CHODL: variants seen among roughly 807,000 people sequenced by gnomAD.
CHODL encodes the protein chondrolectin.
Under a neutral mutation model 34.5 loss-of-function variants are expected in CHODL, and 29 were observed. The ratio of observed to expected loss-of-function variants is 0.84; its 90% CI spans 0.63 to 1.15. The LOEUF (loss-of-function observed/expected upper bound fraction) is 1.15. Ranked by LOEUF, CHODL falls within the 50% of genes most tolerant of loss-of-function variation. The pLI is 0.00. For missense variants in CHODL, 332 were observed against 332.5 expected, an observed-to-expected ratio of 1.00 and a Z score of 0.01; for synonymous variants, 125 against 116.1, an observed-to-expected ratio of 1.08 and a Z score of -0.49.
intron 2 of CHODL, among the ~76,000 whole-genome samples, chr21:18,107,293 A>T (rs1023417029): frequency 2.0e-5 from 3 of 152,210 alleles, no homozygotes; most frequent in African/African-American, 7.2e-5. Context: ...AAATAAACAG[A>T]GCACCTAGTT....
At chr21:18,251,929 TTAAAA>T (rs1169647394) in intron 1 of CHODL, among the ~76,000 whole-genome samples, 2 of 151,580 alleles carry the variant, frequency 1.3e-5, no homozygotes, top group East Asian at 3.9e-4. Context: ...ACCCATGAAC[TTAAAA>T]TAAATGCTTA....
chr21:18,106,679 T>A (rs1235881146), intron 2 of CHODL, among the ~76,000 whole-genome samples: 2 of 151,958 alleles, frequency 1.3e-5, no homozygotes, highest in Non-Finnish European at 2.9e-5. Context: ...TATTTTTATG[T>A]AGAGACGCGG....
chr21:18,199,112 A>G (rs956855447), intron 2 of CHODL, among the ~76,000 whole-genome samples: 47 of 152,140 alleles, frequency 3.1e-4, no homozygotes, highest in African/African-American at 1.0e-3. Flanking sequence ...TAGTTCTCAA[A>G]TAACAGATTT....
intron 1 of CHODL, among the ~76,000 whole-genome samples, chr21:17,931,698 A>G (rs1378326388): frequency 6.6e-6 from 1 of 152,002 alleles, no homozygotes; most frequent in African/African-American, 2.4e-5. Context: ...TATCTTAAAA[A>G]AAGACAGGCA....
At chr21:17,965,267 T>G (rs2063562767) in intron 1 of CHODL, among the ~76,000 whole-genome samples, 1 of 152,264 alleles carries the variant, frequency 6.6e-6, no homozygotes, top group Middle Eastern at 3.4e-3. Context: ...GCCTCTAAAG[T>G]CTTCCAATGG....
At chr21:18,005,218 C>G (rs1227511467) in intron 1 of CHODL, among the ~76,000 whole-genome samples, 1 of 152,168 alleles carries the variant, frequency 6.6e-6, no homozygotes, top group African/African-American at 2.4e-5. Context: ...GGGCCAGCTG[C>G]CAATTTACTC....
intron 1 of CHODL, among the ~76,000 whole-genome samples, chr21:17,985,970 G>A (rs1244612050): frequency 1.3e-5 from 2 of 151,986 alleles, no homozygotes; most frequent in Non-Finnish European, 2.9e-5. Context: ...CACAGCACAA[G>A]CCCTCCCACT....
At chr21:18,258,238 C>G (rs953601853) in intron 3 of CHODL, among the ~76,000 whole-genome samples, 1 of 151,866 alleles carries the variant, frequency 6.6e-6, no homozygotes, top group Admixed American at 6.6e-5. Flanking sequence ...TTGCTAAACC[C>G]GTCATTACCC....
intron 2 of CHODL, among the ~76,000 whole-genome samples, chr21:18,193,697 GAA>G (rs1015005875): frequency 1.3e-5 from 1 of 74,210 alleles, no homozygotes; most frequent in Admixed American, 1.5e-4. Flanking sequence ...CTCTGTCTCA[GAA>G]AAAAAAAAAA....
intron 2 of CHODL, among the ~76,000 whole-genome samples, chr21:18,198,845 G>C (rs1186037486): frequency 6.6e-6 from 1 of 152,052 alleles, no homozygotes; most frequent in Non-Finnish European, 1.5e-5. Flanking sequence ...AAGTAAGAGA[G>C]TGGAAATCAA....
At position 18,256,639 on chromosome 21, in the gene CHODL, C is replaced by T. The variant is rs1474311975; in HGVS notation, c.210C>T (p.Ser70=). 3 of 1,613,988 alleles carry T rather than the reference C, an allele frequency of 1.9e-6. No individual in the cohort carries two copies. The highest frequency in any genetic ancestry group is 1.7e-5 in the Admixed American group (1 of 59,986). ...ACESEGGVLL[S]LENEAEQKLI... ...AGAGTGAGGGAGGAGTCCTCCTCAGCCTTGAGAATGAAGCAGAACAGAAGT... is the reference window on the plus strand; with the variant it reads ...AGAGTGAGGGAGGAGTCCTCCTCAGTCTTGAGAATGAAGCAGAACAGAAGT... The change falls in exon 2 of 6, where the codon AGC becomes AGT. Residue 70 remains serine, a synonymous_variant. Coordinates refer to ENST00000299295, the MANE Select transcript of CHODL (RefSeq NM_024944.3).
chr21:18,117,747 CAATGA>C (rs1455841250), intron 2 of CHODL, among the ~76,000 whole-genome samples: 1 of 142,310 alleles, frequency 7.0e-6, no homozygotes, highest in Non-Finnish European at 1.6e-5. Flanking sequence ...ATAAATAAAA[CAATGA>C]AATAGACATT....
chr21:18,103,597 C>T (rs781530998), intron 2 of CHODL, among the ~76,000 whole-genome samples: 5 of 152,064 alleles, frequency 3.3e-5, no homozygotes, highest in East Asian at 1.9e-4. Flanking sequence ...TGTATTCAGG[C>T]GATGGATGGG....
At chr21:18,264,623 A>AAGAG (rs1326907271) in intron 5 of CHODL, among the ~76,000 whole-genome samples, 2 of 138,422 alleles carry the variant, frequency 1.4e-5, no homozygotes, top group African/African-American at 5.8e-5. Context: ...AAAAAAAAAA[A>AAGAG]AGAGAGAGAG....
chr21:17,925,562 A>G (rs2063216037), intron 1 of CHODL, among the ~76,000 whole-genome samples: 1 of 152,266 alleles, frequency 6.6e-6, no homozygotes, highest in Admixed American at 6.5e-5. Flanking sequence ...TAAATAAACA[A>G]GGAGCTACTC....
intron 2 of CHODL, among the ~76,000 whole-genome samples, chr21:18,202,028 A>G (rs1295134686): frequency 6.6e-6 from 1 of 151,874 alleles, no homozygotes; most frequent in Non-Finnish European, 1.5e-5. Flanking sequence ...GATGATCTCA[A>G]TCTCCTGACC....
chr21:17,935,229 A>G (rs1419025574), intron 1 of CHODL, among the ~76,000 whole-genome samples: 1 of 152,216 alleles, frequency 6.6e-6, no homozygotes, highest in East Asian at 1.9e-4. Flanking sequence ...TTTCATTTAT[A>G]TACTTATTTA....
intron 1 of CHODL, among the ~76,000 whole-genome samples, chr21:17,989,431 A>G (rs549351578): frequency 4.6e-5 from 7 of 152,190 alleles, no homozygotes; most frequent in Non-Finnish European, 8.8e-5. Flanking sequence ...ATCCTCACAT[A>G]TATCCACATA....
chr21:18,059,774 A>C (rs948369706), intron 2 of CHODL, among the ~76,000 whole-genome samples: 8 of 152,072 alleles, frequency 5.3e-5, no homozygotes, highest in Non-Finnish European at 1.2e-4. Context: ...GCATGTTCTC[A>C]CTTATAAGCG....
Sources: allele counts gnomAD v4.1 joint callset (sites outside exome capture counted in the v4.1 genomes callset), GRCh38; gene constraint gnomAD v4.1.1; transcripts MANE v1.5; gene names NCBI Gene and HGNC (gene_info 2026-07-23, HGNC 2026-07-21).